The following VPS13A variants were observed in gnomAD, a reference collection of about 807,000 sequenced individuals.
VPS13A encodes the protein intermembrane lipid transfer protein VPS13A.
In VPS13A, 264 loss-of-function variants were observed where a neutral mutation model predicts 390.9. That is an observed-to-expected ratio of 0.68 (90% CI 0.61 to 0.75). VPS13A has a LOEUF of 0.75. VPS13A is among the 30% of genes least tolerant of loss of function. The pLI, the probability that VPS13A is intolerant of heterozygous loss-of-function variation, is 0.00. For missense variants in VPS13A, 3,409 were observed against 3,733.9 expected, an observed-to-expected ratio of 0.91 and a Z score of 2.27; for synonymous variants, 1,231 against 1,227.1, an observed-to-expected ratio of 1.00 and a Z score of -0.07.
intron 68 of VPS13A, among the ~76,000 whole-genome samples, chr9:77,393,491 A>G (rs1447132196): frequency 6.6e-6 from 1 of 152,248 alleles, no homozygotes; most frequent in Non-Finnish European, 1.5e-5. Flanking sequence ...CAGATCCATC[A>G]GAAGAATCAC....
intron 67 of VPS13A, among the ~76,000 whole-genome samples, chr9:77,381,192 G>A (rs1563978083): frequency 6.6e-6 from 1 of 152,150 alleles, no homozygotes; most frequent in African/African-American, 2.4e-5. Context: ...CATCCTGATT[G>A]GAGTGCAGTG....
In VPS13A at chr9:77,353,528, A is replaced by G. The variant is rs2131546454; in HGVS notation, c.7539A>G (p.Glu2513=). The stretch of plus-strand genomic sequence containing the variant: ...CAAGGGTATTTAAAGTAACATATGA[A>G]AGTGAGAAAGCAGAGTTAGCAGAGC... ...EDPRVFKVTY[E]SEKAELAEQE... Residue 2513 remains glutamate, a synonymous_variant, in exon 54 of 72, where the codon GAA becomes GAG. Coordinates refer to ENST00000360280, the MANE Select transcript of VPS13A (RefSeq NM_033305.3). 1 of 1,613,538 alleles carries G rather than the reference A, an allele frequency of 6.2e-7. No homozygotes were observed.
At chr9:77,179,535 A>G (rs1429330926) in intron 1 of VPS13A, among the ~76,000 whole-genome samples, 2 of 152,134 alleles carry the variant, frequency 1.3e-5, no homozygotes, top group Non-Finnish European at 2.9e-5. Context: ...GCCTGACTGT[A>G]AGTATTTATC....
chr9:77,207,657 C>T lies in VPS13A; in HGVS notation c.385+1578C>T, dbSNP rs1206233587. ...TTAGGGCCATTTTCTCTAAAATAAA[C>T]CCTTGTGTTCTCACTAGGGTGGGAA... is the stretch of plus-strand genomic sequence containing the variant. On this transcript the variant is annotated intron_variant, in intron 5 of 71. Transcript: ENST00000360280. 2.0e-5 allele frequency among the ~76,000 whole-genome samples: 3 copies of T among 152,164 alleles called. No individual in the cohort carries two copies. The South Asian group carries it at 6.2e-4, about 32-fold the overall frequency.
intron 11 of VPS13A, 52 bp from the exon 12 acceptor site, chr9:77,220,225 A>G (rs1403862179): frequency 1.5e-5 from 24 of 1,552,432 alleles, no homozygotes; most frequent in Middle Eastern, 1.9e-4. Context: ...ATCTTCAGCA[A>G]TTGAACAAAA....
chr9:77,416,024 A>C lies in VPS13A; in HGVS notation c.*18A>C. On this transcript the variant is annotated 3_prime_UTR_variant, in exon 72 of 72. Coordinates refer to ENST00000360280, the MANE Select transcript of VPS13A (RefSeq NM_033305.3). ...GCCTCTGACAGAGAACACTGCCTGA[A>C]GACACACAGCAATAAGTGATTACAG... 1 of 1,613,188 alleles carries C rather than the reference A, an allele frequency of 6.2e-7. No homozygotes were observed. Among genetic ancestry groups the C allele is most frequent in the East Asian group, 2.2e-5 (1 of 44,858 alleles).
chr9:77,299,958 G>T (rs1828247075), intron 33 of VPS13A, among the ~76,000 whole-genome samples: 1 of 152,060 alleles, frequency 6.6e-6, no homozygotes, highest in Non-Finnish European at 1.5e-5. Context: ...ATAGCATTAG[G>T]ACAAATAATT....
intron 50 of VPS13A, among the ~76,000 whole-genome samples, chr9:77,342,276 C>T (rs1348852898): frequency 2.6e-5 from 4 of 152,138 alleles, no homozygotes; most frequent in South Asian, 2.1e-4. Context: ...TCTGAAAATA[C>T]GAAATCAAAA....
chr9:77,226,371 C>T, intron 14 of VPS13A, 95 bp from the exon 15 acceptor site: 4 of 1,187,338 alleles, frequency 3.4e-6, no homozygotes, highest in South Asian at 1.3e-5. Flanking sequence ...TCATTTTGCT[C>T]AAGAGGATAA....
intron 12 of VPS13A, among the ~76,000 whole-genome samples, chr9:77,220,641 A>G (rs920799308): frequency 5.9e-5 from 9 of 152,046 alleles, no homozygotes; most frequent in Non-Finnish European, 1.0e-4. Flanking sequence ...ACGGGTCAGT[A>G]TATTTAGAAT....
chr9:77,345,703 T>C (rs191548508), intron 52 of VPS13A, among the ~76,000 whole-genome samples: 67 of 152,274 alleles, frequency 4.4e-4, no homozygotes, highest in Non-Finnish European at 7.5e-4. Flanking sequence ...TGTCTTGAAT[T>C]TATTTTGTTT....
intron 1 of VPS13A, among the ~76,000 whole-genome samples, chr9:77,192,018 T>G (rs996348023): frequency 5.9e-5 from 9 of 152,184 alleles, no homozygotes; most frequent in African/African-American, 7.2e-5. Flanking sequence ...TTTTTGAATC[T>G]AGGTGCTCCA....
At chr9:77,246,810 T>C (rs1207578243) in intron 19 of VPS13A, among the ~76,000 whole-genome samples, 2 of 152,166 alleles carry the variant, frequency 1.3e-5, no homozygotes, top group Non-Finnish European at 1.5e-5. Flanking sequence ...TATGATTTTA[T>C]TGAAGATGAT....
intron 26 of VPS13A, among the ~76,000 whole-genome samples, chr9:77,276,827 T>A (rs1186134885): frequency 2.0e-4 from 31 of 152,214 alleles, no homozygotes; most frequent in Non-Finnish European, 1.6e-4. Context: ...ATCTCTAACC[T>A]CCTCTTCTGT....
At chr9:77,177,922 T>TGCC (rs993507867) in intron 1 of VPS13A, 118 bp downstream of exon 1, 18 of 837,792 alleles carry the variant, frequency 2.1e-5, no homozygotes, top group Non-Finnish European at 3.4e-5. Flanking sequence ...TGCAGCCACC[T>TGCC]GCCGCCGCCC....
At chr9:77,228,754 G>A (rs1198534898) in intron 17 of VPS13A, among the ~76,000 whole-genome samples, 3 of 152,116 alleles carry the variant, frequency 2.0e-5, no homozygotes, top group South Asian at 2.1e-4. Flanking sequence ...AAGAAAAAGA[G>A]GTTTAATTGG....
intron 59 of VPS13A, among the ~76,000 whole-genome samples, chr9:77,363,542 G>T (rs1381623419): frequency 6.6e-6 from 1 of 151,912 alleles, no homozygotes; most frequent in Non-Finnish European, 1.5e-5. Flanking sequence ...CTCCCGAGTA[G>T]CTGGGATTAC....
chr9:77,318,631 G>T (rs778274366), intron 41 of VPS13A, 40 bp downstream of exon 41: 1 of 1,411,028 alleles, frequency 7.1e-7, no homozygotes, highest in South Asian at 1.2e-5. Context: ...ATAATGATAC[G>T]TATGGAATAT....
chr9:77,382,472 G>A (rs1033918246), intron 68 of VPS13A: 1 of 1,341,432 alleles, frequency 7.5e-7, no homozygotes, highest in Non-Finnish European at 9.5e-7. Flanking sequence ...TCTTAGTTCT[G>A]CACTGGATTT....
Sources: allele counts gnomAD v4.1 joint callset (sites outside exome capture counted in the v4.1 genomes callset), GRCh38; gene constraint gnomAD v4.1.1; transcripts MANE v1.5; gene names NCBI Gene and HGNC (gene_info 2026-07-23, HGNC 2026-07-21).